Variants in CDHR3 observed in about 807,000 individuals in gnomAD.
The protein encoded by CDHR3 is cadherin related family member 3.
Under a neutral mutation model 86.6 loss-of-function variants are expected in CDHR3, and 79 were observed. That is an observed-to-expected ratio of 0.91 (90% CI 0.76 to 1.10). The LOEUF (loss-of-function observed/expected upper bound fraction) is 1.10. Among genes scored for constraint, CDHR3 ranks in the 50% least tolerant of loss-of-function variants. The probability of loss-of-function intolerance (pLI) is 0.00; values close to 1 mark genes in which losing one functional copy is unlikely to be tolerated. For synonymous variants in CDHR3, 421 were observed against 402.4 expected, an observed-to-expected ratio of 1.05 and a Z score of -0.55; for missense variants, 1,081 against 1,077.6, an observed-to-expected ratio of 1.00 and a Z score of -0.04.
chr7:106,001,778 A>G (rs1039977739), intron 7 of CDHR3, among the ~76,000 whole-genome samples, 168 bp downstream of exon 7: 1 of 152,214 alleles, frequency 6.6e-6, no homozygotes, highest in African/African-American at 2.4e-5. Flanking sequence ...TAGTATTTGC[A>G]TATAACCTAT....
At chr7:106,003,944 A>AT (rs1380661616) in intron 7 of CDHR3, among the ~76,000 whole-genome samples, 1 of 132,512 alleles carries the variant, frequency 7.5e-6, no homozygotes, top group Non-Finnish European at 1.6e-5. Context: ...ATTTATTAAG[A>AT]TTTTTTGGTT....
At chr7:106,027,279 C>T (rs1173498784) in intron 16 of CDHR3, among the ~76,000 whole-genome samples, 1 of 151,990 alleles carries the variant, frequency 6.6e-6, no homozygotes, top group Non-Finnish European at 1.5e-5. Context: ...CACCTGTAGT[C>T]CCAGCTACTC....
rs1008964030 is a variant in CDHR3, at chr7:106,012,864, A to G, written c.1057A>G (p.Met353Val). 2.5e-6 allele frequency: 4 copies of G among 1,600,768 alleles called. No individual in the cohort carries two copies. The highest frequency in any genetic ancestry group is 3.4e-6 in the Non-Finnish European group (4 of 1,174,628). The change falls in exon 9 of 19, where the codon ATG (methionine) becomes GTG (valine). Residue 353 changes from methionine (M) to valine (V), a missense_variant. Transcript: ENST00000317716. The stretch of plus-strand genomic sequence containing the variant: ...TGGATTGTGTCTTTTCACCAGCATT[A>G]TGGTGCCGGAAAGAACAGCCAAGGG... Reference protein sequence around the residue: ...ATCQKFTFSIMVPERTAKGTL... With the variant: ...ATCQKFTFSIVVPERTAKGTL...
intron 2 of CDHR3, among the ~76,000 whole-genome samples, chr7:105,978,932 G>C (rs992718828): frequency 1.3e-5 from 2 of 152,134 alleles, no homozygotes; most frequent in African/African-American, 4.8e-5. Context: ...GCTTAGCAGG[G>C]AGCCAGGTTG....
intron 1 of CDHR3, among the ~76,000 whole-genome samples, 178 bp from the exon 2 acceptor site, chr7:105,974,666 C>G (rs1240582898): frequency 2.0e-5 from 3 of 151,952 alleles, no homozygotes; most frequent in African/African-American, 7.3e-5. Context: ...TTTCTTGGCT[C>G]CCAGAAGATC....
At chr7:106,028,621 G>T in intron 17 of CDHR3, 39 bp downstream of exon 17, 1 of 1,611,364 alleles carries the variant, frequency 6.2e-7, no homozygotes, top group Non-Finnish European at 8.5e-7. Context: ...CATAGACGCT[G>T]GGGGATAGGG....
At chr7:106,005,741 ATTATAC>A (rs1036408972) in intron 8 of CDHR3, among the ~76,000 whole-genome samples, 1 of 152,210 alleles carries the variant, frequency 6.6e-6, no homozygotes. Context: ...AAATTCCTTT[ATTATAC>A]TCATGAATGT....
Position 106,032,614 on chromosome 7 carries a change from G to A in CDHR3, c.2575G>A (p.Glu859Lys), listed in dbSNP as rs756014289. 5.0e-6 allele frequency: 8 copies of A among 1,613,954 alleles called. No homozygotes were observed. In the Admixed American group the frequency reaches 1.0e-4, roughly 20 times the overall value. ...GGATGCTGGTCTGGGTTCCAGAAAT[G>A]AGGGTGGCAAGCTGGGCAACCCAAA... ...AEDAGLGSRN[E>K]GGKLGNPKNR... The change falls in exon 19 of 19, where the codon GAG becomes AAG. Residue 859 changes from glutamate (E) to lysine (K), a missense_variant. Coordinates refer to ENST00000317716, the MANE Select transcript of CDHR3 (RefSeq NM_152750.5).
chr7:106,021,187 A>G (rs562897761), intron 13 of CDHR3, among the ~76,000 whole-genome samples: 9 of 152,248 alleles, frequency 5.9e-5, no homozygotes, highest in South Asian at 2.1e-4. Context: ...GCACCCCTCA[A>G]TGGAAATTAG....
At chr7:105,967,524 C>G (rs373495357) in intron 1 of CDHR3, among the ~76,000 whole-genome samples, 1 of 152,184 alleles carries the variant, frequency 6.6e-6, no homozygotes, top group Non-Finnish European at 1.5e-5. Flanking sequence ...CTTGAGGAAT[C>G]GCCACACTGA....
chr7:106,026,108 C>T lies in CDHR3; in HGVS notation c.2259-574C>T, dbSNP rs778084598. ...AAGAAAAACTAGCTAGAAAACCAGA[C>T]TCAGACTCAACCTCTCTGGAAATTA... is the stretch of plus-strand genomic sequence containing the variant. On this transcript the variant is annotated intron_variant, in intron 15 of 18. Transcript: ENST00000317716. 2.8e-4 allele frequency among the ~76,000 whole-genome samples: 43 copies of T among 152,224 alleles called. 1 individual carries two copies. Among genetic ancestry groups the T allele is most frequent in the Admixed American group, 1.5e-3 (23 of 15,290 alleles).
At chr7:105,984,082 C>T (rs796675263) in intron 3 of CDHR3, 110 bp from the exon 4 acceptor site, 30 of 527,424 alleles carry the variant, frequency 5.7e-5, no homozygotes, top group African/African-American at 3.3e-4. Flanking sequence ...CTTGGTCCCA[C>T]GATGCCAACA....
intron 1 of CDHR3, among the ~76,000 whole-genome samples, chr7:105,967,738 C>T (rs1827203421): frequency 6.6e-6 from 1 of 152,202 alleles, no homozygotes; most frequent in South Asian, 2.1e-4. Flanking sequence ...TGTCTGTTGG[C>T]TGCATAAATG....
chr7:106,025,325 C>A (rs770476362), intron 15 of CDHR3, among the ~76,000 whole-genome samples: 1 of 152,144 alleles, frequency 6.6e-6, no homozygotes. Context: ...CTTAGCTCTA[C>A]CATTTTCTTG....
At chr7:106,006,411 G>A (rs892098445) in intron 8 of CDHR3, among the ~76,000 whole-genome samples, 7 of 152,130 alleles carry the variant, frequency 4.6e-5, no homozygotes, top group African/African-American at 1.4e-4. Context: ...AGTCTCATCC[G>A]AGACAAGGCA....
intron 18 of CDHR3, among the ~76,000 whole-genome samples, chr7:106,031,561 G>C (rs554281815): frequency 1.4e-4 from 21 of 152,360 alleles, no homozygotes; most frequent in African/African-American, 5.1e-4. Flanking sequence ...TCCAGTGAGA[G>C]GCTGCCGCCG....
intron 7 of CDHR3, among the ~76,000 whole-genome samples, chr7:106,002,616 T>C (rs1833371084): frequency 6.6e-6 from 1 of 152,042 alleles, no homozygotes; most frequent in African/African-American, 2.4e-5. Flanking sequence ...CAAAGGCAGG[T>C]GTGTAAGGAT....
chr7:106,021,621 T>C (rs557604327), intron 13 of CDHR3, among the ~76,000 whole-genome samples: 2 of 152,160 alleles, frequency 1.3e-5, no homozygotes, highest in East Asian at 3.9e-4. Flanking sequence ...TGTGTGTGTG[T>C]TTGGGGGTGT....
chr7:106,032,769 G>C lies in CDHR3; in HGVS notation c.*72G>C, dbSNP rs1838577846. ...CCTAAATTCTATGGGGATGGTGTGG[G>C]CATGGTGTAGGGGGGAAAATGTGGG... On this transcript the variant is annotated 3_prime_UTR_variant, in exon 19 of 19. Coordinates refer to ENST00000317716, the MANE Select transcript of CDHR3 (RefSeq NM_152750.5). 1 of 1,467,538 alleles carries C rather than the reference G, an allele frequency of 6.8e-7. No homozygotes were observed. The highest frequency in any genetic ancestry group is 9.2e-7 in the Non-Finnish European group (1 of 1,089,470). The allele number at this position is 1,467,538 out of a possible 1,614,324, so 90.9% of individuals were successfully genotyped here. A position where few individuals can be genotyped will look rare whatever the true frequency, so the allele number is the denominator to read the frequency against.
Sources: allele counts gnomAD v4.1 joint callset (sites outside exome capture counted in the v4.1 genomes callset), GRCh38; gene constraint gnomAD v4.1.1; transcripts MANE v1.5; gene names NCBI Gene and HGNC (gene_info 2026-07-23, HGNC 2026-07-21).